ZNF862: variants seen among roughly 807,000 people sequenced by gnomAD.
The protein encoded by ZNF862 is zinc finger protein 862.
Under a neutral mutation model 91.1 loss-of-function variants are expected in ZNF862, and 64 were observed. That is an observed-to-expected ratio of 0.70 (90% confidence interval 0.57 to 0.87). The LOEUF is 0.87. ZNF862 is among the 40% of genes least tolerant of loss of function. The pLI, the probability that ZNF862 is intolerant of heterozygous loss-of-function variation, is 0.00. For synonymous variants in ZNF862, 631 were observed against 618.1 expected (o/e 1.02, Z -0.31); for missense variants, 1,459 against 1,528.0 (o/e 0.95, Z 0.75).
At position 149,848,210 on chromosome 7, in the gene ZNF862, C is replaced by T; in HGVS notation, c.717C>T (p.Cys239=). The T allele has an allele frequency of 6.2e-7, 1 of 1,613,992 alleles. No individual in the cohort carries two copies. The highest frequency in any genetic ancestry group is 8.5e-7 in the Non-Finnish European group (1 of 1,179,878). The stretch of plus-strand genomic sequence containing the variant: ...CGGAGCCGCTCTTCACTGCAGATTG[C>T]CCCATATTCTACCCCCCAGGGCCTC... ...ASPEPLFTAD[C]PIFYPPGPLG... is the part of the protein sequence containing the mutation. Residue 239 remains cysteine, a synonymous_variant, in exon 4 of 8, where the codon TGC becomes TGT. Transcript: ENST00000223210.
chr7:149,864,242 C>T lies in ZNF862; in HGVS notation c.3468C>T (p.Leu1156=). The change falls in exon 8 of 8, where the codon CTC becomes CTT. Residue 1156 remains leucine, a synonymous_variant. Coordinates refer to ENST00000223210, the MANE Select transcript of ZNF862 (RefSeq NM_001099220.3). ...GCATCATGGAGCCTCCCGAGAGACT[C>T]CTGTATCCCCACACCAGCCAGGAGG... ...KDCIMEPPER[L]LYPHTSQEAP... is the part of the protein sequence containing the mutation. 1 of 1,603,250 alleles carries T rather than the reference C, an allele frequency of 6.2e-7. No individual in the cohort carries two copies. Among genetic ancestry groups the T allele is most frequent in the Non-Finnish European group, 8.5e-7 (1 of 1,175,622 alleles).
At chr7:149,847,712 T>C (rs1801919248) in intron 3 of ZNF862, 23 bp from the exon 4 acceptor site, 3 of 1,571,830 alleles carry the variant, frequency 1.9e-6, no homozygotes, top group Non-Finnish European at 1.7e-6. Context: ...TTAAAGCCAA[T>C]CCCTTCTGTC....
chr7:149,863,320 TCCGG>T (rs1802585495), intron 7 of ZNF862, among the ~76,000 whole-genome samples: 1 of 142,884 alleles, frequency 7.0e-6, no homozygotes, highest in African/African-American at 3.0e-5. Context: ...CTGGCCTCCT[TCCGG>T]CTGTTGCTGC....
rs1802231276 is a variant in ZNF862, at chr7:149,855,516, A to T, written c.1118-3906A>T. ...TTGGTGGGTGGGAGAGGTATAAGAA[A>T]GGTTTCATTTGACATGTAATCTGAC... On this transcript the variant is annotated intron_variant, in intron 5 of 7. Transcript: ENST00000223210. The surrounding 1 kb of genome is among the most constrained non-coding windows in gnomAD (Gnocchi z 4.1). Among the ~76,000 whole-genome samples, 2 of 152,144 alleles carry T rather than the reference A, an allele frequency of 1.3e-5. No homozygotes were observed. The highest frequency in any genetic ancestry group is 2.9e-5 in the Non-Finnish European group (2 of 68,028).
In ZNF862 at chr7:149,862,242, G is replaced by T; in HGVS notation, c.3082G>T (p.Val1028Leu). 1 of 1,613,762 alleles carries T rather than the reference G, an allele frequency of 6.2e-7. No homozygotes were observed. Among genetic ancestry groups the T allele is most frequent in the Non-Finnish European group, 8.5e-7 (1 of 1,179,868 alleles). ...RFPLLSKLMAVVVCVPISTSC... is the reference protein window; with the variant it reads ...RFPLLSKLMALVVCVPISTSC... ...CCCCCTGCTAAGCAAGCTCATGGCC[G>T]TGGTGGTCTGTGTGCCCATCTCCAC... The change falls in exon 7 of 8, where the codon GTG becomes TTG. Residue 1028 changes from valine (V) to leucine (L), a missense_variant. Transcript: ENST00000223210.
Position 149,861,968 on chromosome 7 carries a change from TGACGCA to T in ZNF862, c.2812_2817del (p.Ala938_Asp939del), listed in dbSNP as rs778559240. Reference sequence around the variant, plus strand: ...GGATTGAGTACCTCCAGCAGAGGTTTGACGCAGACCGACCCCCACAGCTGAAGAACA... The same window carrying T: ...GGATTGAGTACCTCCAGCAGAGGTTTGACCGACCCCCACAGCTGAAGAACA... On this transcript the variant is annotated inframe_deletion, in exon 7 of 8. Transcript: ENST00000223210. The surrounding 1 kb of genome is among the most constrained non-coding windows in gnomAD (Gnocchi z 6.7). 2.6e-5 allele frequency: 42 copies of T among 1,613,790 alleles called. 1 individual carries two copies. In the South Asian group the frequency reaches 4.5e-4, roughly 17 times the overall value.
chr7:149,857,829 G>C (rs562722228), intron 5 of ZNF862, among the ~76,000 whole-genome samples: 1 of 152,280 alleles, frequency 6.6e-6, no homozygotes, highest in Admixed American at 6.5e-5. Context: ...CCTGTTTGGA[G>C]GGTATGATAA....
At chr7:149,859,628 C>A in intron 6 of ZNF862, 102 bp downstream of exon 6, 1 of 950,814 alleles carries the variant, frequency 1.1e-6, no homozygotes. Flanking sequence ...TGATGGGGGC[C>A]GATTGGGCAC....
At chr7:149,849,829 C>T (rs1052592535) in intron 4 of ZNF862, among the ~76,000 whole-genome samples, 10 of 152,154 alleles carry the variant, frequency 6.6e-5, no homozygotes, top group African/African-American at 2.4e-4. Flanking sequence ...ACACAGTCAC[C>T]TTTTAGTTGT....
chr7:149,857,615 G>A (rs574108700), intron 5 of ZNF862, among the ~76,000 whole-genome samples: 15 of 152,190 alleles, frequency 9.9e-5, no homozygotes, highest in African/African-American at 3.4e-4. Flanking sequence ...TCCTGTGTAC[G>A]AGTAAGCCTT....
intron 1 of ZNF862, among the ~76,000 whole-genome samples, 182 bp from the exon 2 acceptor site, chr7:149,844,443 G>C (rs938132341): frequency 2.2e-4 from 33 of 152,272 alleles, no homozygotes; most frequent in African/African-American, 7.0e-4. Flanking sequence ...GCACTTCCCA[G>C]AAGAAACGAG....
intron 5 of ZNF862, chr7:149,852,800 C>T (rs1012069307): frequency 1.7e-4 from 26 of 152,182 alleles, no homozygotes; most frequent in African/African-American, 6.3e-4. Context: ...GTGGGTAGCC[C>T]TTGCTTTTAT....
rs1184636159 is a variant in ZNF862 at position 149,862,134 on chromosome 7, G to T, written c.2974G>T (p.Glu992Ter). The change falls in exon 7 of 8, where the codon GAG becomes TAG. Residue 992 changes from glutamate to a stop codon, truncating the protein, a stop_gained. Coordinates refer to ENST00000223210, the MANE Select transcript of ZNF862 (RefSeq NM_001099220.3). LOFTEE classifies it high-confidence loss of function. Reference sequence around the variant, plus strand: ...ATACAGTGAGGAAGCTCTGCTGGAGGAGTGGCTGGGCCTGAAAACCATTGC... The same window carrying T: ...ATACAGTGAGGAAGCTCTGCTGGAGTAGTGGCTGGGCCTGAAAACCATTGC... Reference protein sequence around the residue: ...TGYSEEALLEEWLGLKTIAQH... With the variant: ...TGYSEEALLE 6.2e-7 allele frequency: 1 copy of T among 1,613,350 alleles called. No individual in the cohort carries two copies. The highest frequency in any genetic ancestry group is 1.3e-5 in the African/African-American group (1 of 74,900).
chr7:149,863,214 A>G (rs1435111862), intron 7 of ZNF862, among the ~76,000 whole-genome samples: 1 of 152,224 alleles, frequency 6.6e-6, no homozygotes, highest in Non-Finnish European at 1.5e-5. Context: ...GTAGTCACTG[A>G]AAACCAAAGA....
chr7:149,845,139 A>G (rs1463203751), intron 2 of ZNF862: 1 of 182,454 alleles, frequency 5.5e-6, no homozygotes, highest in African/African-American at 2.4e-5. Flanking sequence ...TCTCAATCCC[A>G]GCTCTCCACT....
In ZNF862 at chr7:149,849,213, A is replaced by T. The variant is rs538432794; in HGVS notation, c.939+781A>T. 2.0e-5 allele frequency among the ~76,000 whole-genome samples: 3 copies of T among 152,344 alleles called. No individual in the cohort carries two copies. The East Asian group carries it at 5.8e-4, about 29-fold the overall frequency. On this transcript the variant is annotated intron_variant, in intron 4 of 7. Transcript: ENST00000223210. ...GATGTTGCTGTGAGGCCGGTAGAGC[A>T]GGTGCTATTAAACTCATCTTGTTGG...
In ZNF862 at chr7:149,850,590, C is replaced by G. The variant is rs1273123471; in HGVS notation, c.1117+252C>G. On this transcript the variant is annotated intron_variant, in intron 5 of 7. Transcript: ENST00000223210. The surrounding 1 kb of genome is among the most constrained non-coding windows in gnomAD (Gnocchi z 4.2). ...GAGTACCTACTATGTGCCAGATGAA[C>G]ACAGCTGATCCATGGTCTCTGCTTT... 4.5e-6 allele frequency: 2 copies of G among 445,296 alleles called. No homozygotes were observed. Among genetic ancestry groups the G allele is most frequent in the East Asian group, 7.8e-5 (2 of 25,752 alleles). 27.6% of individuals were successfully genotyped at this position (445,296 alleles called of 1,614,324 possible).
chr7:149,849,085 T>G (rs1801973807), intron 4 of ZNF862, among the ~76,000 whole-genome samples: 1 of 152,240 alleles, frequency 6.6e-6, no homozygotes, highest in Non-Finnish European at 1.5e-5. Flanking sequence ...ACAGGTATGA[T>G]CTACCACTCC....
At chr7:149,862,621 C>A in intron 7 of ZNF862, 127 bp downstream of exon 7, 1 of 1,036,296 alleles carries the variant, frequency 9.6e-7, no homozygotes, top group South Asian at 1.7e-5. Flanking sequence ...AGTGGGTACT[C>A]GATGCGTGAC....
Sources: gnomAD v4.1 joint callset for allele counts (sites outside exome capture counted in the v4.1 genomes callset) on GRCh38, gnomAD v4.1.1 for gene constraint, Gnocchi (gnomAD v3.1) non-coding constraint, MANE v1.5 for transcripts, NCBI Gene and HGNC (gene_info 2026-07-23, HGNC 2026-07-21) for gene names.